The following ADAMTS3 variants were observed in gnomAD, a reference collection of about 807,000 sequenced individuals.
ADAMTS3 encodes ADAM metallopeptidase with thrombospondin type 1 motif 3.
In ADAMTS3, 73 loss-of-function variants were observed where a neutral mutation model predicts 129.0. The ratio of observed to expected loss-of-function variants is 0.57; its 90% CI spans 0.47 to 0.69. The LOEUF is 0.69. ADAMTS3 is among the 30% of genes least tolerant of loss of function. The probability of loss-of-function intolerance (pLI) is 0.00; values close to 1 mark genes in which losing one functional copy is unlikely to be tolerated. For missense variants in ADAMTS3, 1,457 were observed against 1,514.5 expected (o/e 0.96, Z 0.63); for synonymous variants, 477 against 510.8 (o/e 0.93, Z 0.89).
intron 5 of ADAMTS3, among the ~76,000 whole-genome samples, chr4:72,329,282 C>A (rs528246020): frequency 1.4e-4 from 21 of 152,000 alleles, no homozygotes; most frequent in Admixed American, 1.0e-3. Flanking sequence ...TAGAGGAGGA[C>A]AAGAGGAGTT....
In ADAMTS3 at chr4:72,339,584, A is replaced by G. The variant is rs757280434; in HGVS notation, c.771T>C (p.Asn257=). 7.4e-6 allele frequency: 12 copies of G among 1,613,804 alleles called. No individual in the cohort carries two copies. Among genetic ancestry groups the G allele is most frequent in the African/African-American group, 1.3e-5 (1 of 74,866 alleles). ...CATCCACTCCCAGCAGTACCTCGAT[A>G]TTGTAATCGTTTTCTCCCGCGTGTC... The part of the protein sequence containing the change: ...RRRHAGENDY[N]IEVLLGVDDS... Residue 257 remains asparagine (N), a synonymous_variant, in exon 5 of 22, where the codon AAT becomes AAC. Transcript: ENST00000286657.
intron 2 of ADAMTS3, among the ~76,000 whole-genome samples, chr4:72,559,187 T>C (rs1458076536): frequency 1.3e-5 from 2 of 151,812 alleles, no homozygotes; most frequent in Non-Finnish European, 2.9e-5. Context: ...CTCATCAATT[T>C]TGTTTTCCTT....
At chr4:72,481,957 C>G (rs1369160754) in intron 3 of ADAMTS3, among the ~76,000 whole-genome samples, 1 of 151,998 alleles carries the variant, frequency 6.6e-6, no homozygotes, top group African/African-American at 2.4e-5. Context: ...GAACAGTGAG[C>G]TATGACTACA....
chr4:72,353,081 T>C (rs1472433913), intron 4 of ADAMTS3, among the ~76,000 whole-genome samples: 1 of 149,648 alleles, frequency 6.7e-6, no homozygotes, highest in East Asian at 1.9e-4. Context: ...ATTCTGTTTA[T>C]GGGCCTTTCA....
In ADAMTS3 at chr4:72,403,704, C is replaced by T. The variant is rs966314825; in HGVS notation, c.661+11111G>A. On this transcript the variant is annotated intron_variant, in intron 4 of 21. Coordinates refer to ENST00000286657, the MANE Select transcript of ADAMTS3 (RefSeq NM_014243.3). ...TTTTGCATTTGACATTTTATCATTC[C>T]TCATCCCAACTTAGAGATAAAAAAA... 2.0e-5 allele frequency among the ~76,000 whole-genome samples: 3 copies of T among 151,884 alleles called. No homozygotes were observed. The East Asian group carries it at 5.8e-4, about 29-fold the overall frequency.
Position 72,322,149 on chromosome 4 carries a change from A to G in ADAMTS3, c.945+865T>C, listed in dbSNP as rs959218486. On this transcript the variant is annotated intron_variant, in intron 6 of 21. Transcript: ENST00000286657. ...CTTTAACAACCAATTGGAGGCTGTT[A>G]TTTCCAGCTGGAGTTAATTCATATT... is the stretch of plus-strand genomic sequence containing the variant. 2.0e-5 allele frequency among the ~76,000 whole-genome samples: 3 copies of G among 152,172 alleles called. No homozygotes were observed. The East Asian group carries it at 5.8e-4, about 29-fold the overall frequency.
chr4:72,407,403 A>C (rs536343621), intron 4 of ADAMTS3, among the ~76,000 whole-genome samples: 7 of 152,268 alleles, frequency 4.6e-5, no homozygotes, highest in African/African-American at 1.7e-4. Context: ...TTGGTGAGAC[A>C]AGAACCTCTG....
At chr4:72,302,374 G>A (rs554627942) in intron 17 of ADAMTS3, among the ~76,000 whole-genome samples, 2 of 151,600 alleles carry the variant, frequency 1.3e-5, no homozygotes, top group South Asian at 4.2e-4. Context: ...AAAATTTACT[G>A]GATAGGCTCA....
intron 3 of ADAMTS3, among the ~76,000 whole-genome samples, chr4:72,521,677 C>T (rs1720679524): frequency 6.6e-6 from 1 of 151,966 alleles, no homozygotes; most frequent in Non-Finnish European, 1.5e-5. Flanking sequence ...AAAAGTACCC[C>T]AAATAGTGTA....
At chr4:72,433,942 T>C (rs1015569066) in intron 3 of ADAMTS3, among the ~76,000 whole-genome samples, 4 of 151,890 alleles carry the variant, frequency 2.6e-5, no homozygotes, top group Non-Finnish European at 5.9e-5. Context: ...TGCCCTCTCT[T>C]ACAATCAAGT....
chr4:72,291,842 G>C (rs1174664296), intron 19 of ADAMTS3, among the ~76,000 whole-genome samples: 2 of 152,160 alleles, frequency 1.3e-5, no homozygotes, highest in Non-Finnish European at 2.9e-5. Flanking sequence ...TTCCACAATG[G>C]TTGAACTAGC....
At chr4:72,466,220 G>C (rs1718914101) in intron 3 of ADAMTS3, among the ~76,000 whole-genome samples, 1 of 152,038 alleles carries the variant, frequency 6.6e-6, no homozygotes, top group African/African-American at 2.4e-5. Flanking sequence ...ATTCCATAGA[G>C]AAAGCACTGT....
intron 3 of ADAMTS3, among the ~76,000 whole-genome samples, chr4:72,504,214 TG>T (rs1239246354): frequency 2.6e-5 from 4 of 152,218 alleles, no homozygotes; most frequent in Non-Finnish European, 4.4e-5. Context: ...TGTCTTTTTG[TG>T]GTAGCAGGTA....
chr4:72,428,192 C>T (rs2109942319), intron 3 of ADAMTS3, among the ~76,000 whole-genome samples: 1 of 152,024 alleles, frequency 6.6e-6, no homozygotes, highest in Non-Finnish European at 1.5e-5. Context: ...GAGGTTCCAC[C>T]TACCCCAATT....
At chr4:72,374,210 T>C (rs972137699) in intron 4 of ADAMTS3, among the ~76,000 whole-genome samples, 8 of 152,000 alleles carry the variant, frequency 5.3e-5, no homozygotes, top group African/African-American at 1.9e-4. Context: ...TTTTTTTTCA[T>C]TGTGACATTA....
intron 3 of ADAMTS3, among the ~76,000 whole-genome samples, chr4:72,416,843 CATTA>C (rs1284313701): frequency 6.6e-6 from 1 of 152,106 alleles, no homozygotes; most frequent in African/African-American, 2.4e-5. Flanking sequence ...CCTTCTCAGG[CATTA>C]ATTAATTAAT....
chr4:72,535,644 C>T (rs141776073), intron 3 of ADAMTS3, among the ~76,000 whole-genome samples: 117 of 152,242 alleles, frequency 7.7e-4, no homozygotes, highest in African/African-American at 2.6e-3. Context: ...CTAGACACCC[C>T]TATGCCACTT....
chr4:72,430,520 T>A (rs1044929052), intron 3 of ADAMTS3, among the ~76,000 whole-genome samples: 5 of 151,996 alleles, frequency 3.3e-5, no homozygotes, highest in Non-Finnish European at 5.9e-5. Flanking sequence ...CCCAGTCAGT[T>A]GAGCATTCCC....
At chr4:72,567,200 G>C (rs1262142244) in intron 2 of ADAMTS3, among the ~76,000 whole-genome samples, 174 bp downstream of exon 2, 1 of 152,150 alleles carries the variant, frequency 6.6e-6, no homozygotes, top group African/African-American at 2.4e-5. Flanking sequence ...TTAGCCCCAG[G>C]AAAGTGGGAC....
Sources: gnomAD v4.1 joint callset for allele counts (sites outside exome capture counted in the v4.1 genomes callset) on GRCh38, gnomAD v4.1.1 for gene constraint, MANE v1.5 for transcripts, NCBI Gene and HGNC (gene_info 2026-07-23, HGNC 2026-07-21) for gene names.